SLC44A1: variants seen among roughly 807,000 people sequenced by gnomAD.
The protein encoded by SLC44A1 is solute carrier family 44 member 1, also known as choline transporter-like protein 1.
SLC44A1 carries 26 observed loss-of-function variants against 79.3 expected under a neutral mutation model. That is an observed-to-expected ratio of 0.33 (90% confidence interval 0.24 to 0.46). The LOEUF (loss-of-function observed/expected upper bound fraction) is 0.46, where lower values mean the gene tolerates loss of function less well. Ranked by LOEUF, SLC44A1 falls within the 20% of genes least tolerant of loss-of-function variation. The pLI is 1.00. For synonymous variants in SLC44A1, 263 were observed against 286.2 expected, an observed-to-expected ratio of 0.92 and a Z score of 0.82; for missense variants, 688 against 798.1, an observed-to-expected ratio of 0.86 and a Z score of 1.66.
chr9:105,362,784 A>G (rs752622142), intron 8 of SLC44A1, 37 bp from the exon 9 acceptor site: 55 of 1,464,754 alleles, frequency 3.8e-5, no homozygotes, highest in Non-Finnish European at 1.3e-5. Flanking sequence ...TGTTTTCACT[A>G]CTTATAATAA....
intron 15 of SLC44A1, among the ~76,000 whole-genome samples, 169 bp from the exon 16 acceptor site, chr9:105,388,864 A>T (rs997976905): frequency 6.6e-6 from 1 of 152,174 alleles, no homozygotes; most frequent in Non-Finnish European, 1.5e-5. Flanking sequence ...ATAAAGTGTG[A>T]CTTTCAACAT....
intron 3 of SLC44A1, among the ~76,000 whole-genome samples, chr9:105,323,564 G>A (rs766461785): frequency 7.2e-5 from 11 of 152,160 alleles, no homozygotes; most frequent in African/African-American, 1.4e-4. Context: ...TATCGTGAAC[G>A]TTAACTGTTG....
At chr9:105,350,057 G>T (rs1827357567) in intron 5 of SLC44A1, among the ~76,000 whole-genome samples, 1 of 152,214 alleles carries the variant, frequency 6.6e-6, no homozygotes, top group Non-Finnish European at 1.5e-5. Context: ...GAGATGGACA[G>T]AAATGGCTTC....
At chr9:105,331,375 A>T (rs993454737) in intron 3 of SLC44A1, among the ~76,000 whole-genome samples, 2 of 152,170 alleles carry the variant, frequency 1.3e-5, no homozygotes, top group Non-Finnish European at 2.9e-5. Flanking sequence ...ACTGCGTGTT[A>T]CCCTCTCAGC....
intron 2 of SLC44A1, among the ~76,000 whole-genome samples, chr9:105,302,968 G>T (rs1830920087): frequency 6.6e-6 from 1 of 152,188 alleles, no homozygotes; most frequent in South Asian, 2.1e-4. Context: ...AGGAGAGGAA[G>T]AGAGAGATTG....
Position 105,408,103 on chromosome 9 carries a change from G to A in SLC44A1, c.1950+22601G>A, listed in dbSNP as rs997446017. Among the ~76,000 whole-genome samples the A allele has an allele frequency of 1.5e-3, 231 of 152,180 alleles. 1 individual carries two copies. The highest frequency in any genetic ancestry group is 5.2e-3 in the African/African-American group (217 of 41,508). On this transcript the variant is annotated intron_variant, in intron 15 of 15. Coordinates refer to the SLC44A1 transcript ENST00000374724. ...TGGGAGGCGGAGGCTGCTGTGAGCC[G>A]AGATCTCGCCACTGCACTCCAGCCT... is the stretch of plus-strand genomic sequence containing the variant.
intron 5 of SLC44A1, among the ~76,000 whole-genome samples, chr9:105,353,432 G>C (rs896315702): frequency 6.6e-6 from 1 of 151,546 alleles, no homozygotes; most frequent in Non-Finnish European, 1.5e-5. Flanking sequence ...AATTTGAAAA[G>C]AAAAAAAACA....
intron 5 of SLC44A1, among the ~76,000 whole-genome samples, chr9:105,352,236 ATACT>A (rs1827473201): frequency 6.6e-6 from 1 of 152,348 alleles, no homozygotes; most frequent in African/African-American, 2.4e-5. Flanking sequence ...CTTTATTGTT[ATACT>A]TACTTAAATA....
chr9:105,377,857 A>T (rs1055862045), intron 13 of SLC44A1, among the ~76,000 whole-genome samples: 13 of 152,284 alleles, frequency 8.5e-5, no homozygotes, highest in Admixed American at 5.2e-4. Flanking sequence ...ACTTTTTATT[A>T]TATCTTTTTA....
Position 105,396,629 on chromosome 9 carries a change from A to C in SLC44A1, c.*7573A>C, listed in dbSNP as rs1828881295. The C allele has an allele frequency of 1.2e-5, 12 of 985,394 alleles. No individual in the cohort carries two copies. The highest frequency in any genetic ancestry group is 1.4e-5 in the Non-Finnish European group (12 of 829,930). The allele number at this position is 985,394 out of a possible 1,614,324, so 61.0% of individuals were successfully genotyped here. On this transcript the variant is annotated 3_prime_UTR_variant, in exon 16 of 16. Transcript: ENST00000374720. ...ATGGGGTGATATGAGCAGAAAACAC[A>C]CATCGGTGTGTCTTGATTTCTCGCA...
intron 5 of SLC44A1, among the ~76,000 whole-genome samples, chr9:105,352,400 A>T (rs1202293833): frequency 6.6e-6 from 1 of 152,190 alleles, no homozygotes; most frequent in Non-Finnish European, 1.5e-5. Context: ...GGAGCTTATT[A>T]ACTGTGATGA....
intron 8 of SLC44A1, among the ~76,000 whole-genome samples, chr9:105,362,042 G>T (rs571481376): frequency 9.9e-5 from 15 of 152,056 alleles, no homozygotes; most frequent in African/African-American, 3.1e-4. Flanking sequence ...ATATATGTGT[G>T]TTTGTGTGTG....
chr9:105,386,484 G>C, intron 15 of SLC44A1: 1 of 971,624 alleles, frequency 1.0e-6, no homozygotes, highest in Non-Finnish European at 1.2e-6. Context: ...TTGATTTATA[G>C]CAAGTTTGTC....
In SLC44A1 at chr9:105,365,514, T is replaced by C. The variant is rs202156035; in HGVS notation, c.1285T>C (p.Leu429=). 2.5e-6 allele frequency: 4 copies of C among 1,613,510 alleles called. No homozygotes were observed. The highest frequency in any genetic ancestry group is 8.5e-7 in the Non-Finnish European group (1 of 1,179,560). ...AAGGAATTTGCCATTTACACCTATT[T>C]TGGCATCAGTAAATCGCCTTATTCG... ...DKRNLPFTPI[L]ASVNRLIRYH... is the part of the protein sequence containing the mutation. Residue 429 remains leucine, a synonymous_variant, in exon 11 of 16, where the codon TTG becomes CTG. Transcript: ENST00000374720.
intron 1 of SLC44A1, among the ~76,000 whole-genome samples, chr9:105,277,697 T>C (rs1292418696): frequency 6.6e-6 from 1 of 152,190 alleles, no homozygotes; most frequent in Admixed American, 6.5e-5. Context: ...ACGGACCAAC[T>C]AAAACTGAGG....
intron 1 of SLC44A1, among the ~76,000 whole-genome samples, chr9:105,289,814 T>G (rs1382874981): frequency 2.2e-5 from 3 of 133,608 alleles, no homozygotes; most frequent in South Asian, 2.1e-4. Flanking sequence ...TTTTTTTTGT[T>G]TTTTTTTTTG....
chr9:105,271,644 C>G (rs898182533), intron 1 of SLC44A1, among the ~76,000 whole-genome samples: 5 of 151,988 alleles, frequency 3.3e-5, no homozygotes, highest in African/African-American at 1.2e-4. Flanking sequence ...GACAGAGTCT[C>G]ACTCTGTCAC....
intron 3 of SLC44A1, among the ~76,000 whole-genome samples, chr9:105,324,325 A>G (rs933398006): frequency 4.0e-5 from 6 of 149,832 alleles, no homozygotes; most frequent in Admixed American, 4.0e-4. Context: ...ATCTCGGCTC[A>G]CTGCAACCTC....
Position 105,272,725 on chromosome 9 carries a change from A to G in SLC44A1, c.37-26495A>G, listed in dbSNP as rs542797540. On this transcript the variant is annotated intron_variant, in intron 1 of 15. Coordinates refer to ENST00000374720, the MANE Select transcript of SLC44A1 (RefSeq NM_080546.5). ...CTATTTTTTAGGTATCCCAAATTCC[A>G]CTTAAGGTTGATGAATGGCCTACTG... 2.6e-5 allele frequency among the ~76,000 whole-genome samples: 4 copies of G among 152,164 alleles called. No individual in the cohort carries two copies. In the East Asian group the frequency reaches 5.8e-4, roughly 22 times the overall value.
Sources: gnomAD v4.1 joint callset for allele counts (sites outside exome capture counted in the v4.1 genomes callset) on GRCh38, gnomAD v4.1.1 for gene constraint, MANE v1.5 for transcripts, NCBI Gene and HGNC (gene_info 2026-07-23, HGNC 2026-07-21) for gene names.